Variants in ZC3H12B observed in about 807,000 individuals in gnomAD.
ZC3H12B encodes the protein zinc finger CCCH-type containing 12B.
ZC3H12B carries 7 observed loss-of-function variants against 43.9 expected under a neutral mutation model. The ratio of observed to expected loss-of-function variants is 0.16; its 90% CI spans 0.09 to 0.30. ZC3H12B has a LOEUF of 0.30. Ranked by LOEUF, ZC3H12B falls within the 10% of genes least tolerant of loss-of-function variation. The probability of loss-of-function intolerance (pLI) is 1.00; values close to 1 mark genes in which losing one functional copy is unlikely to be tolerated. For synonymous variants in ZC3H12B, 222 were observed against 241.7 expected (o/e 0.92, Z 0.76); for missense variants, 475 against 670.2 (o/e 0.71, Z 3.22).
Position 65,489,419 on chromosome X carries a change from G to C in ZC3H12B, c.608+10G>C. On this transcript the variant is annotated intron_variant, in intron 1 of 4. Coordinates refer to ENST00000338957, the Ensembl canonical transcript of ZC3H12B. ...GTAATGTGGCAATGAGGTAAGCCTG[G>C]TATGTTTTTTTCTCCCATTTTAAAA... 8.6e-7 allele frequency: 1 copy of C among 1,164,608 alleles called. No homozygotes were observed.
At chrX:65,057,278 G>T in the ZC3H12B span, among the ~76,000 whole-genome samples, 2 of 111,479 alleles carry the variant, frequency 1.8e-5, no homozygotes, top group African/African-American at 6.5e-5. Flanking sequence ...GGGCAGGCCT[G>T]GTGGTGACAA....
At chrX:65,161,884 T>A in the ZC3H12B span, among the ~76,000 whole-genome samples, 5 of 112,144 alleles carry the variant, frequency 4.5e-5, no homozygotes, top group Non-Finnish European at 9.4e-5. Flanking sequence ...GAATTTGTCA[T>A]GATTTTGCAG....
chrX:65,215,162 G>A, the ZC3H12B span, among the ~76,000 whole-genome samples: 1 of 111,785 alleles, frequency 8.9e-6, no homozygotes, highest in Non-Finnish European at 1.9e-5. Flanking sequence ...ATTCTTAATG[G>A]CTTTAGAGCT....
the ZC3H12B span, among the ~76,000 whole-genome samples, chrX:65,153,739 C>T: frequency 2.7e-5 from 3 of 111,612 alleles, no homozygotes; most frequent in Non-Finnish European, 5.6e-5. Flanking sequence ...GGTATATACC[C>T]AAAGGACTAT....
At chrX:65,351,070 A>G in the ZC3H12B span, among the ~76,000 whole-genome samples, 70 of 111,977 alleles carry the variant, frequency 6.3e-4, no homozygotes, top group African/African-American at 1.8e-3. Context: ...TGACTTCAAA[A>G]TATACTACAA....
chrX:65,148,996 T>A, the ZC3H12B span, among the ~76,000 whole-genome samples: 1 of 111,514 alleles, frequency 9.0e-6, no homozygotes, highest in East Asian at 2.8e-4. Context: ...CATACTAGTG[T>A]TAACTGGTTA....
intron 3 of ZC3H12B, among the ~76,000 whole-genome samples, chrX:65,466,997 G>A (rs1190951201): frequency 4.1e-5 from 3 of 73,756 alleles, no homozygotes; most frequent in African/African-American, 1.3e-4. Flanking sequence ...GGTGTTTTTA[G>A]GTTACATGGA....
the ZC3H12B span, among the ~76,000 whole-genome samples, chrX:65,201,632 A>G: frequency 2.9e-5 from 2 of 69,801 alleles, no homozygotes; most frequent in African/African-American, 5.8e-5. Context: ...CTCTGTCTGA[A>G]AGATCACCTC....
At chrX:65,331,195 C>T in the ZC3H12B span, 2,299 of 154,910 alleles carry the variant, frequency 0.015, 64 homozygotes, top group African/African-American at 0.07. Context: ...CTCACCCACC[C>T]TCCTGGAGTT....
chrX:65,452,230 G>A (rs1360742848), intron 3 of ZC3H12B, among the ~76,000 whole-genome samples: 2 of 111,312 alleles, frequency 1.8e-5, no homozygotes, highest in Admixed American at 9.6e-5. Context: ...TCAGTAAAGA[G>A]GAAGTCAAAC....
At chrX:65,149,365 A>G in the ZC3H12B span, among the ~76,000 whole-genome samples, 1 of 112,296 alleles carries the variant, frequency 8.9e-6, no homozygotes, top group Non-Finnish European at 1.9e-5. Context: ...TGTCAGTTAT[A>G]TAAAAATGTG....
chrX:65,203,127 C>G, the ZC3H12B span, among the ~76,000 whole-genome samples: 1 of 112,030 alleles, frequency 8.9e-6, no homozygotes, highest in Non-Finnish European at 1.9e-5. Context: ...TGAACTTTCT[C>G]TTCAGGGCAG....
the ZC3H12B span, among the ~76,000 whole-genome samples, chrX:65,174,894 C>T: frequency 7.5e-5 from 8 of 107,067 alleles, no homozygotes; most frequent in African/African-American, 1.0e-4. Context: ...TTCTGTATTG[C>T]GGGGGTTCCA....
At chrX:65,133,107 G>T in the ZC3H12B span, among the ~76,000 whole-genome samples, 2 of 111,233 alleles carry the variant, frequency 1.8e-5, no homozygotes, top group African/African-American at 6.5e-5. Flanking sequence ...CAAGATCCTC[G>T]GGCAGGCAGT....
chrX:65,430,065 T>A (rs1037015716), intron 3 of ZC3H12B, among the ~76,000 whole-genome samples: 3 of 112,501 alleles, frequency 2.7e-5, no homozygotes, highest in African/African-American at 9.7e-5. Context: ...GCTGCTTGGC[T>A]CCCTGGATTC....
At chrX:65,364,843 A>G (rs1191621135), upstream of ZC3H12B, among the ~76,000 whole-genome samples, 1 of 111,175 alleles carries the variant, frequency 9.0e-6, no homozygotes, top group African/African-American at 3.3e-5. Context: ...CTACACATCA[A>G]GCTCAGGGAT....
chrX:65,078,898 T>C, the ZC3H12B span, among the ~76,000 whole-genome samples: 8 of 111,846 alleles, frequency 7.2e-5, no homozygotes, highest in Admixed American at 1.9e-4. Flanking sequence ...TTTTAGTTAA[T>C]TAAAAATGTA....
chrX:65,243,050 A>C, the ZC3H12B span, among the ~76,000 whole-genome samples: 2 of 112,235 alleles, frequency 1.8e-5, no homozygotes, highest in East Asian at 5.6e-4. Context: ...GCAATTCCCC[A>C]GTATGTCAGT....
chrX:65,350,569 G>T, the ZC3H12B span, among the ~76,000 whole-genome samples: 1 of 111,791 alleles, frequency 8.9e-6, no homozygotes, highest in Non-Finnish European at 1.9e-5. Flanking sequence ...ATTTTATATT[G>T]AGAAAACTGC....
Sources: allele counts gnomAD v4.1 joint callset (sites outside exome capture counted in the v4.1 genomes callset), GRCh38; gene constraint gnomAD v4.1.1; transcripts MANE v1.5; gene names NCBI Gene and HGNC (gene_info 2026-07-23, HGNC 2026-07-21).